The following ZNF45 variants were observed in gnomAD, a reference collection of about 807,000 sequenced individuals.
ZNF45 encodes BRC1744.
ZNF45 carries 4 observed loss-of-function variants against 12.0 expected under a neutral mutation model. The observed-to-expected ratio is 0.33, with a 90% CI of 0.16 to 0.76. The LOEUF is 0.76. ZNF45 is among the 30% of genes least tolerant of loss of function. The pLI, the probability that ZNF45 is intolerant of heterozygous loss-of-function variation, is 0.60. For missense variants in ZNF45, 700 were observed against 813.0 expected, an observed-to-expected ratio of 0.86 and a Z score of 1.69; for synonymous variants, 272 against 279.6, an observed-to-expected ratio of 0.97 and a Z score of 0.27.
chr19:43,932,879 G>A (rs769453757), intron 2 of ZNF45, among the ~76,000 whole-genome samples, 189 bp from the exon 3 acceptor site: 1 of 152,188 alleles, frequency 6.6e-6, no homozygotes, highest in Non-Finnish European at 1.5e-5. Flanking sequence ...ATTATGGGCT[G>A]AATTGTGTGT....
At chr19:43,919,801 G>A in intron 7 of ZNF45, 102 bp from the exon 8 acceptor site, 1 of 1,284,330 alleles carries the variant, frequency 7.8e-7, no homozygotes. Flanking sequence ...AAAGGTGTCA[G>A]ATTCTTAAGA....
rs1972351240 is a variant in ZNF45, at chr19:43,913,302, CT to C, written c.*84del. The C allele has an allele frequency of 6.8e-7, 1 of 1,476,410 alleles. No individual in the cohort carries two copies. The highest frequency in any genetic ancestry group is 2.3e-5 in the Admixed American group (1 of 43,904). 91.5% of individuals were successfully genotyped at this position (1,476,410 alleles called of 1,614,324 possible). ...GTCTCCCAATCACTTGGCTGAACTA[CT>C]GACTCTATAAAACAAATGTTTTGTC... On this transcript the variant is annotated 3_prime_UTR_variant, in exon 10 of 10. Coordinates refer to ENST00000269973, the MANE Select transcript of ZNF45 (RefSeq NM_003425.4).
At chr19:43,933,165 C>G (rs548045134) in intron 2 of ZNF45, among the ~76,000 whole-genome samples, 6 of 152,168 alleles carry the variant, frequency 3.9e-5, no homozygotes, top group African/African-American at 1.2e-4. Flanking sequence ...CCTCCCTTGG[C>G]CTTCATATAT....
At chr19:43,915,238 A>G in intron 9 of ZNF45, 38 bp from the exon 10 acceptor site, 1 of 1,457,584 alleles carries the variant, frequency 6.9e-7, no homozygotes, top group Non-Finnish European at 9.0e-7. Flanking sequence ...GGGGCATGTG[A>G]ATAATGTTTT....
chr19:43,919,770 A>G (rs1480915231), intron 7 of ZNF45, 71 bp from the exon 8 acceptor site: 4 of 1,549,242 alleles, frequency 2.6e-6, no homozygotes, highest in Non-Finnish European at 3.5e-6. Context: ...GCACTGAGAA[A>G]TGTGAAAAAG....
chr19:43,922,274 C>G lies in ZNF45; in HGVS notation c.-32-57G>C, dbSNP rs375536228. ...GAGAAAAAAGCCATGAGAGTTTGGCCAAAAAAAAAACCATAGCTGTTTTTT... is the reference window on the plus strand; with the variant it reads ...GAGAAAAAAGCCATGAGAGTTTGGCGAAAAAAAAAACCATAGCTGTTTTTT... On this transcript the variant is annotated intron_variant, in intron 6 of 9. Coordinates refer to ENST00000269973, the MANE Select transcript of ZNF45 (RefSeq NM_003425.4). 498 of 997,910 alleles carry G rather than the reference C, an allele frequency of 5.0e-4. 2 individuals are homozygous for G. The African/African-American group carries it at 7.9e-3, about 16-fold the overall frequency. 61.8% of individuals were successfully genotyped at this position (997,910 alleles called of 1,614,324 possible). A position where few individuals can be genotyped will look rare whatever the true frequency, so the allele number is the denominator to read the frequency against.
intron 7 of ZNF45, among the ~76,000 whole-genome samples, chr19:43,920,299 T>C (rs2146906684): frequency 6.6e-6 from 1 of 152,244 alleles, no homozygotes; most frequent in Non-Finnish European, 1.5e-5. Context: ...TGATTTTAAG[T>C]CGTTTTTTAG....
intron 7 of ZNF45, among the ~76,000 whole-genome samples, chr19:43,920,541 G>GGT (rs1555746404): frequency 7.4e-6 from 1 of 134,740 alleles, no homozygotes; most frequent in Non-Finnish European, 1.6e-5. Flanking sequence ...CGGGTGGGGG[G>GGT]GGGGGGCAGT....
chr19:43,922,275 A>G, intron 6 of ZNF45, 58 bp from the exon 7 acceptor site: 2 of 966,096 alleles, frequency 2.1e-6, no homozygotes, highest in Admixed American at 3.0e-5. Context: ...GAGTTTGGCC[A>G]AAAAAAAAAC....
Position 43,913,876 on chromosome 19 carries a change from T to G in ZNF45, c.1560A>C (p.Arg520Ser), listed in dbSNP as rs1412385141. The change falls in exon 10 of 10, where the codon AGA becomes AGC. Residue 520 changes from arginine to serine, a missense_variant. By Grantham distance (110) the Arg-to-Ser change is moderately radical (BLOSUM62 -1). Coordinates refer to ENST00000269973, the MANE Select transcript of ZNF45 (RefSeq NM_003425.4). ...GATATGGTTTCTCTCCAGTGTGAAC[T>G]CTCTGATGCACCTGAAGGCTGGAGA... ...SQFSSLQVHQRVHTGEKPYQC... is the reference protein window; with the variant it reads ...SQFSSLQVHQSVHTGEKPYQC... The G allele has an allele frequency of 2.5e-6, 4 of 1,613,492 alleles. No homozygotes were observed. The highest frequency in any genetic ancestry group is 3.4e-6 in the Non-Finnish European group (4 of 1,179,710).
At chr19:43,916,671 T>C (rs1001830143) in intron 9 of ZNF45, among the ~76,000 whole-genome samples, 2 of 152,180 alleles carry the variant, frequency 1.3e-5, no homozygotes, top group African/African-American at 4.8e-5. Context: ...TCAATAGATG[T>C]GTTGAATAAA....
Position 43,913,427 on chromosome 19 carries a change from T to A in ZNF45, c.2009A>T (p.Asp670Val). 5 of 1,572,840 alleles carry A rather than the reference T, an allele frequency of 3.2e-6. No individual in the cohort carries two copies. Among genetic ancestry groups the A allele is most frequent in the Non-Finnish European group, 4.3e-6 (5 of 1,159,234 alleles). The change falls in exon 10 of 10, where the codon GAC becomes GTC. Residue 670 changes from aspartate to valine, a missense_variant. Asp to Val is a radical substitution (Grantham distance 152). Coordinates refer to ENST00000269973, the MANE Select transcript of ZNF45 (RefSeq NM_003425.4). ...GTGTGAATCCTCTGATGAAGGAAAG[T>A]CCTTGTCACCCTCATCATCAGCATG... ...RVHADDEGDK[D>V]FPSSEDSHRK...
intron 7 of ZNF45, 71 bp downstream of exon 7, chr19:43,922,100 G>T: frequency 6.7e-7 from 1 of 1,495,360 alleles, no homozygotes; most frequent in South Asian, 1.2e-5. Context: ...TCCTAACAAA[G>T]AGAATAAGGT....
intron 7 of ZNF45, among the ~76,000 whole-genome samples, chr19:43,920,328 C>T (rs1973025968): frequency 6.6e-6 from 1 of 151,796 alleles, no homozygotes; most frequent in African/African-American, 2.4e-5. Context: ...TTGTTGTTCA[C>T]CTACATTTTG....
intron 3 of ZNF45, among the ~76,000 whole-genome samples, chr19:43,929,676 A>G (rs562557555): frequency 1.3e-5 from 2 of 152,226 alleles, no homozygotes; most frequent in South Asian, 2.1e-4. Context: ...CTTAGGCACA[A>G]TTCATCCTAT....
chr19:43,919,505 C>A, intron 8 of ZNF45, 68 bp downstream of exon 8: 1 of 1,546,828 alleles, frequency 6.5e-7, no homozygotes. Flanking sequence ...GCTCCAAAGC[C>A]CTGTATACCC....
intron 6 of ZNF45, 191 bp from the exon 7 acceptor site, chr19:43,922,408 T>C: frequency 2.0e-6 from 1 of 497,276 alleles, no homozygotes; most frequent in Non-Finnish European, 3.6e-6. Context: ...TCCCTTTGGC[T>C]GTAAGACCCT....
chr19:43,922,316 T>G lies in ZNF45; in HGVS notation c.-32-99A>C, dbSNP rs7246971. The G allele has an allele frequency of 0.011, 6,083 of 568,960 alleles. 273 individuals are homozygous for G. In the African/African-American group the frequency reaches 0.14, roughly 13 times the overall value. 35.2% of individuals were successfully genotyped at this position (568,960 alleles called of 1,614,324 possible). A position where few individuals can be genotyped will look rare whatever the true frequency, so the allele number is the denominator to read the frequency against. On this transcript the variant is annotated intron_variant, in intron 6 of 9. Transcript: ENST00000269973. Reference sequence around the variant, plus strand: ...CTGTTTTTTTGTTTTGTTTTGTTTTTTTTAACGTGAAATAGCAACAGTGTT... The same window carrying G: ...CTGTTTTTTTGTTTTGTTTTGTTTTGTTTAACGTGAAATAGCAACAGTGTT...
chr19:43,913,463 T>A lies in ZNF45; in HGVS notation c.1973A>T (p.His658Leu). The A allele has an allele frequency of 6.2e-7, 1 of 1,610,040 alleles. No homozygotes were observed. The highest frequency in any genetic ancestry group is 8.5e-7 in the Non-Finnish European group (1 of 1,177,658). Residue 658 changes from histidine (H) to leucine (L), a missense_variant, in exon 10 of 10, where the codon CAT becomes CTT. Physicochemically the swap from His to Leu is moderately conservative, Grantham distance 99. Transcript: ENST00000269973. The stretch of plus-strand genomic sequence containing the variant: ...CTCATCATCAGCATGGACTCGCTGA[T>A]GAATGATAAGACTTGAGCTCCAACT... Reference protein sequence around the residue: ...GFSWSSSLIIHQRVHADDEGD... With the variant: ...GFSWSSSLIILQRVHADDEGD...
Sources: gnomAD v4.1 joint callset for allele counts (sites outside exome capture counted in the v4.1 genomes callset) on GRCh38, gnomAD v4.1.1 for gene constraint, MANE v1.5 for transcripts, NCBI Gene and HGNC (gene_info 2026-07-23, HGNC 2026-07-21) for gene names.